Variants in MYO9B observed in about 807,000 individuals in gnomAD.
MYO9B encodes the protein myosin IXB, also known as unconventional myosin-IXb.
Under a neutral mutation model 229.5 loss-of-function variants are expected in MYO9B, and 71 were observed. The observed-to-expected ratio is 0.31, with a 90% CI of 0.26 to 0.38. The LOEUF is 0.38. MYO9B is among the 10% of genes least tolerant of loss of function. The pLI, the probability that MYO9B is intolerant of heterozygous loss-of-function variation, is 1.00. For missense variants in MYO9B, 2,255 were observed against 2,920.5 expected, an observed-to-expected ratio of 0.77 and a Z score of 5.25; for synonymous variants, 1,185 against 1,235.8, an observed-to-expected ratio of 0.96 and a Z score of 0.86.
intron 14 of MYO9B, 127 bp from the exon 15 acceptor site, chr19:17,180,800 C>A (rs1180639916): frequency 4.9e-6 from 3 of 608,894 alleles, no homozygotes; most frequent in Non-Finnish European, 8.7e-6. Flanking sequence ...TGTCTTTCCC[C>A]CAGCTGCATG....
intron 1 of MYO9B, among the ~76,000 whole-genome samples, chr19:17,080,769 T>A (rs1395964903): frequency 6.6e-6 from 1 of 151,956 alleles, no homozygotes; most frequent in Non-Finnish European, 1.5e-5. Flanking sequence ...TTTAAGAAGC[T>A]GAGACAGACA....
intron 2 of MYO9B, among the ~76,000 whole-genome samples, chr19:17,111,104 G>A: frequency 6.6e-6 from 1 of 152,150 alleles, no homozygotes; most frequent in East Asian, 1.9e-4. Flanking sequence ...CCTGGGCCAC[G>A]TCCTTTCCCC....
intron 18 of MYO9B, among the ~76,000 whole-genome samples, chr19:17,187,204 C>T (rs1243606228): frequency 6.6e-6 from 1 of 152,194 alleles, no homozygotes; most frequent in Non-Finnish European, 1.5e-5. Context: ...CTTCCTTCTC[C>T]TGTGGGCCTC....
chr19:17,126,544 A>T (rs2058021146), intron 2 of MYO9B, among the ~76,000 whole-genome samples: 2 of 152,208 alleles, frequency 1.3e-5, no homozygotes, highest in African/African-American at 2.4e-5. Context: ...TGTAACTCAA[A>T]TGCAGCCTTA....
chr19:17,205,598 T>G (rs1189773729), intron 31 of MYO9B, among the ~76,000 whole-genome samples: 1 of 152,148 alleles, frequency 6.6e-6, no homozygotes, highest in East Asian at 1.9e-4. Context: ...TCCTGAGCCA[T>G]GCAGAGGGAG....
intron 2 of MYO9B, among the ~76,000 whole-genome samples, chr19:17,129,761 C>T (rs1164162572): frequency 6.6e-6 from 1 of 152,186 alleles, no homozygotes; most frequent in Non-Finnish European, 1.5e-5. Flanking sequence ...CATGATATGT[C>T]ATAGTCTCTG....
In MYO9B at chr19:17,168,030, A is replaced by C. The variant is rs771554138; in HGVS notation, c.1759A>C (p.Thr587Pro). 24 of 1,612,420 alleles carry C rather than the reference A, an allele frequency of 1.5e-5. No homozygotes were observed. The change falls in exon 11 of 40, where the codon ACG becomes CCG. Residue 587 changes from threonine to proline, a missense_variant. Thr to Pro is a conservative substitution (Grantham distance 38). Transcript: ENST00000682292. ...GCIHLISKKP[T>P]GLFYLLDEES... ...CATCCATCTCATCAGCAAGAAACCC[A>C]CGGGCCTCTTCTACCTGCTGGACGA...
chr19:17,139,897 C>T (rs1476458346), intron 2 of MYO9B, among the ~76,000 whole-genome samples: 6 of 151,930 alleles, frequency 3.9e-5, no homozygotes, highest in African/African-American at 1.2e-4. Flanking sequence ...CAAAATTAGC[C>T]GGGTGTGGTG....
In MYO9B at chr19:17,172,716, A is replaced by G. The variant is rs1238275226; in HGVS notation, c.1936-43A>G. 3.7e-6 allele frequency: 6 copies of G among 1,601,350 alleles called. No homozygotes were observed. Among genetic ancestry groups the G allele is most frequent in the Non-Finnish European group, 5.1e-6 (6 of 1,169,586 alleles). ...CCGGGGTCTTTGGTAGGCGCCGGTG[A>G]GTGACTATCCCCGAGTGACCGCCCA... On this transcript the variant is annotated intron_variant, in intron 12 of 39. Coordinates refer to ENST00000682292, the MANE Select transcript of MYO9B (RefSeq NM_004145.4). This position sits in a 1 kb window ranked among gnomAD's most constrained non-coding sequence, Gnocchi z 8.2.
chr19:17,184,522 A>G (rs910334731), intron 16 of MYO9B: 1 of 222,412 alleles, frequency 4.5e-6, no homozygotes, highest in East Asian at 1.0e-4. Context: ...TCTTGACTCA[A>G]GTAATGTAAA....
Position 17,205,992 on chromosome 19 carries a change from C to T in MYO9B, c.5097C>T (p.Gly1699=), listed in dbSNP as rs746635819. 18 of 1,588,402 alleles carry T rather than the reference C, an allele frequency of 1.1e-5. No homozygotes were observed. Among genetic ancestry groups the T allele is most frequent in the South Asian group, 2.3e-5 (2 of 88,742 alleles). ...GEPGVEPGHF[G]VCVDSLTSDK... ...CAGGCGTTGAGCCTGGCCACTTCGG[C>T]GTGTGCGTAGACAGCCTGACCAGCG... Residue 1699 remains glycine (G), a synonymous_variant, in exon 32 of 40, where the codon GGC becomes GGT. Coordinates refer to ENST00000682292, the MANE Select transcript of MYO9B (RefSeq NM_004145.4).
At chr19:17,186,581 T>C (rs2072921747) in intron 18 of MYO9B, among the ~76,000 whole-genome samples, 1 of 152,130 alleles carries the variant, frequency 6.6e-6, no homozygotes, top group South Asian at 2.1e-4. Flanking sequence ...TGCTCCGTAG[T>C]GCACCTTCTC....
intron 5 of MYO9B, 27 bp downstream of exon 5, chr19:17,154,093 A>G: frequency 6.3e-7 from 1 of 1,585,892 alleles, no homozygotes; most frequent in South Asian, 1.1e-5. Context: ...CCGAGCCACA[A>G]ACGCCACCTC....
rs544046972 is a variant in MYO9B at position 17,185,541 on chromosome 19, C to T, written c.2497-380C>T. Among the ~76,000 whole-genome samples the T allele has an allele frequency of 4.1e-5, 6 of 145,318 alleles. No individual in the cohort carries two copies. In the South Asian group the frequency reaches 8.4e-4, roughly 20 times the overall value. On this transcript the variant is annotated intron_variant, in intron 17 of 39. Transcript: ENST00000682292. The stretch of plus-strand genomic sequence containing the variant: ...AGCTTGGGCAACAAGAGCAAGACTG[C>T]GTCTCAAAAAAAAAAAAACAAAACA...
chr19:17,133,346 A>G (rs1465253520), intron 2 of MYO9B, among the ~76,000 whole-genome samples: 3 of 152,192 alleles, frequency 2.0e-5, no homozygotes, highest in Non-Finnish European at 4.4e-5. Flanking sequence ...TACAGTCACC[A>G]TGTTATACAA....
At chr19:17,077,348 A>T (rs1372122281) in intron 1 of MYO9B, among the ~76,000 whole-genome samples, 1 of 152,236 alleles carries the variant, frequency 6.6e-6, no homozygotes, top group Admixed American at 6.5e-5. Flanking sequence ...GGCCACAGAA[A>T]GATAAGCACC....
At chr19:17,174,022 CTTTTTTTTTTT>C (rs11313520) in intron 13 of MYO9B, among the ~76,000 whole-genome samples, 1 of 64,734 alleles carries the variant, frequency 1.5e-5, no homozygotes, top group Non-Finnish European at 2.7e-5. Flanking sequence ...TGATGAGCTG[CTTTTTTTTTTT>C]TTTTTTTTTT....
At chr19:17,129,631 A>C (rs528523926) in intron 2 of MYO9B, among the ~76,000 whole-genome samples, 2 of 152,112 alleles carry the variant, frequency 1.3e-5, no homozygotes, top group Non-Finnish European at 2.9e-5. Context: ...ACCTTTCAGC[A>C]CTTCTGTTTC....
intron 4 of MYO9B, 163 bp downstream of exon 4, chr19:17,152,869 A>AC (rs2072494239): frequency 1.6e-6 from 1 of 621,124 alleles, no homozygotes; most frequent in Admixed American, 3.0e-5. Flanking sequence ...TTCTCCCCAG[A>AC]CCTGCCCCTG....
Sources: allele counts gnomAD v4.1 joint callset (sites outside exome capture counted in the v4.1 genomes callset), GRCh38; gene constraint gnomAD v4.1.1; non-coding constraint Gnocchi (gnomAD v3.1); transcripts MANE v1.5; gene names NCBI Gene and HGNC (gene_info 2026-07-23, HGNC 2026-07-21).